APEX2: variants seen among roughly 807,000 people sequenced by gnomAD.
APEX2 encodes apurinic/apyrimidinic endodeoxyribonuclease 2.
Under a neutral mutation model 16.7 loss-of-function variants are expected in APEX2, and 4 were observed. The ratio of observed to expected loss-of-function variants is 0.24; its 90% CI spans 0.12 to 0.55. APEX2 has a LOEUF of 0.55. Ranked by LOEUF, APEX2 falls within the 20% of genes least tolerant of loss-of-function variation. The pLI is 0.94. For missense variants in APEX2, 357 were observed against 433.6 expected (o/e 0.82, Z 1.57); for synonymous variants, 181 against 166.9 (o/e 1.08, Z -0.65).
In APEX2 at chrX:55,003,869, G is replaced by A; in HGVS notation, c.639+1G>A. 1 of 1,210,729 alleles carries A rather than the reference G, an allele frequency of 8.3e-7. No homozygotes were observed. Among genetic ancestry groups the A allele is most frequent in the Non-Finnish European group, 1.1e-6 (1 of 894,442 alleles). ...TGACCACTGGGATGCAGTCAACCTG[G>A]TAAGGCTCCCTCTAGGTGCCTGGCC... On this transcript the variant is annotated splice_donor_variant, in intron 5 of 5. Coordinates refer to ENST00000374987, the MANE Select transcript of APEX2 (RefSeq NM_014481.4). LOFTEE classifies it high-confidence loss of function.
chrX:55,004,078 G>A (rs1435281016), intron 5 of APEX2, among the ~76,000 whole-genome samples: 1 of 112,699 alleles, frequency 8.9e-6, no homozygotes, highest in African/African-American at 3.2e-5. Context: ...ACATACTGAG[G>A]ACTCAGGAGT....
In APEX2 at chrX:55,000,430, G is replaced by A. The variant is rs1312285758; in HGVS notation, c.8G>A (p.Arg3His). MLRVVSWNINGIR... is the reference protein window; with the variant it reads MLHVVSWNINGIR... The stretch of plus-strand genomic sequence containing the variant: ...GTGTTCCAGCCCTTTAAGATGTTGC[G>A]CGTGGTGAGCTGGAACATCAATGGG... The change falls in exon 1 of 6, where the codon CGC becomes CAC. Residue 3 changes from arginine to histidine, a missense_variant. Arg to His is a conservative substitution (Grantham distance 29). Coordinates refer to ENST00000374987, the MANE Select transcript of APEX2 (RefSeq NM_014481.4). 2.5e-6 allele frequency: 3 copies of A among 1,189,051 alleles called. No individual in the cohort carries two copies. Among genetic ancestry groups the A allele is most frequent in the Non-Finnish European group, 3.4e-6 (3 of 883,681 alleles).
chrX:55,008,974 A>G lies in APEX2; in HGVS notation c.*1539A>G, dbSNP rs765618489. The G allele has an allele frequency of 1.3e-5, 6 of 462,053 alleles. No homozygotes were observed. The highest frequency in any genetic ancestry group is 4.9e-5 in the African/African-American group (2 of 40,808). The allele number at this position is 462,053 out of a possible 1,213,427, so 38.1% of individuals were successfully genotyped here. A position where few individuals can be genotyped will look rare whatever the true frequency, so the allele number is the denominator to read the frequency against. On this transcript the variant is annotated 3_prime_UTR_variant, in exon 6 of 6. Coordinates refer to ENST00000374987, the MANE Select transcript of APEX2 (RefSeq NM_014481.4). The stretch of plus-strand genomic sequence containing the variant: ...TGGAATGGTGACCAACAAGTGACCT[A>G]TGGTTACCTCATAGATCTGCCACTT...
In APEX2 at chrX:55,003,795, T is replaced by A. The variant is rs780665248; in HGVS notation, c.570-4T>A. 427 of 1,208,101 alleles carry A rather than the reference T, an allele frequency of 3.5e-4. 2 individuals carry two copies. In the South Asian group the frequency reaches 6.9e-3, roughly 19 times the overall value. On this transcript the variant is annotated splice_region_variant and splice_polypyrimidine_tract_variant and intron_variant, in intron 4 of 5. Coordinates refer to ENST00000374987, the MANE Select transcript of APEX2 (RefSeq NM_014481.4). ...TTCTAACAATCCCACATTGTGTTTTTCAGCCATGTGATCATTCTGGGTGAC... is the reference window on the plus strand; with the variant it reads ...TTCTAACAATCCCACATTGTGTTTTACAGCCATGTGATCATTCTGGGTGAC...
Position 55,007,222 on chromosome X carries a change from G to A in APEX2, c.1344G>A (p.Glu448=). The change falls in exon 6 of 6, where the codon GAG becomes GAA. Residue 448 remains glutamate, a synonymous_variant. Transcript: ENST00000374987. ...GQAKTSEAKD[E]KELRTSFWKS... ...CCAAGACTTCAGAAGCCAAAGATGA[G>A]AAGGAGTTACGGACCTCATTCTGGA... is the stretch of plus-strand genomic sequence containing the variant. 1 of 1,212,304 alleles carries A rather than the reference G, an allele frequency of 8.2e-7. No individual in the cohort carries two copies. The highest frequency in any genetic ancestry group is 1.1e-6 in the Non-Finnish European group (1 of 895,652).
At position 55,007,255 on chromosome X, in the gene APEX2, G is replaced by A; in HGVS notation, c.1377G>A (p.Val459=). ...KELRTSFWKS[V]LAGPLRTPLC... ...TACGGACCTCATTCTGGAAGTCTGT[G>A]CTGGCGGGGCCCTTGCGCACACCCC... The change falls in exon 6 of 6, where the codon GTG becomes GTA. Residue 459 remains valine, a synonymous_variant. Coordinates refer to ENST00000374987, the MANE Select transcript of APEX2 (RefSeq NM_014481.4). 8.2e-7 allele frequency: 1 copy of A among 1,212,341 alleles called. No individual in the cohort carries two copies. Among genetic ancestry groups the A allele is most frequent in the Non-Finnish European group, 1.1e-6 (1 of 895,637 alleles).
intron 3 of APEX2, among the ~76,000 whole-genome samples, chrX:55,002,662 C>CT (rs1267503780): frequency 1.1e-4 from 12 of 111,985 alleles, no homozygotes; most frequent in African/African-American, 3.9e-4. Flanking sequence ...TGATCCAGCT[C>CT]TTATTACCAT....
chrX:55,001,639 G>A lies in APEX2; in HGVS notation c.241+10G>A, dbSNP rs762314453. The A allele has an allele frequency of 4.6e-5, 55 of 1,184,998 alleles. No homozygotes were observed. Among genetic ancestry groups the A allele is most frequent in the Non-Finnish European group, 6.0e-5 (53 of 879,699 alleles). Reference sequence around the variant, plus strand: ...CGTAGCGGCTATTCTGGTAAATGGGGCTTTCTGTGGACTTTAAATTAGTGA... The same window carrying A: ...CGTAGCGGCTATTCTGGTAAATGGGACTTTCTGTGGACTTTAAATTAGTGA... On this transcript the variant is annotated intron_variant, in intron 2 of 5. Coordinates refer to ENST00000374987, the MANE Select transcript of APEX2 (RefSeq NM_014481.4).
At chrX:55,003,703 T>C in intron 4 of APEX2, 96 bp from the exon 5 acceptor site, 1 of 814,176 alleles carries the variant, frequency 1.2e-6, no homozygotes, top group Non-Finnish European at 1.8e-6. Context: ...AGCCTCAATA[T>C]GGGAGAGGGC....
intron 1 of APEX2, among the ~76,000 whole-genome samples, chrX:55,001,138 T>C (rs1402096084): frequency 9.2e-6 from 1 of 108,291 alleles, no homozygotes; most frequent in East Asian, 2.9e-4. Context: ...CCCTAATTCC[T>C]TTTCCCTCCA....
At position 55,006,684 on chromosome X, in the gene APEX2, A is replaced by G; in HGVS notation, c.806A>G (p.His269Arg). The change falls in exon 6 of 6, where the codon CAT becomes CGT. Residue 269 changes from histidine (H) to arginine (R), a missense_variant. Physicochemically the swap from His to Arg is conservative, Grantham distance 29. Transcript: ENST00000374987. ...TGGTCAGCAGTCACTGGCGCCCGCC[A>G]TCTCAACTATGGCTCCCGGCTTGAC... The part of the protein sequence containing the change: ...TCWSAVTGAR[H>R]LNYGSRLDYV... 2 of 1,166,273 alleles carry G rather than the reference A, an allele frequency of 1.7e-6. No individual in the cohort carries two copies. Among genetic ancestry groups the G allele is most frequent in the Non-Finnish European group, 2.3e-6 (2 of 870,933 alleles).
intron 5 of APEX2, among the ~76,000 whole-genome samples, chrX:55,005,799 C>T (rs1172211449): frequency 9.0e-6 from 1 of 110,572 alleles, no homozygotes; most frequent in Non-Finnish European, 1.9e-5. Context: ...GGAGCACCCT[C>T]CACCTAGGTT....
At chrX:55,001,489 T>A in intron 1 of APEX2, 57 bp from the exon 2 acceptor site, 1 of 983,341 alleles carries the variant, frequency 1.0e-6, no homozygotes, top group Non-Finnish European at 1.4e-6. Flanking sequence ...TCCAGGCCTT[T>A]GTGTTTCTCG....
Position 55,008,572 on chromosome X carries a change from A to AAAAAAAAAAAAAGAAAAG in APEX2, c.*1143_*1160dup, listed in dbSNP as rs1935540530. On this transcript the variant is annotated 3_prime_UTR_variant, in exon 6 of 6. Transcript: ENST00000374987. The stretch of plus-strand genomic sequence containing the variant: ...GCAACAAGAGTGAAATTCAGTCTCC[A>AAAAAAAAAAAAAGAAAAG]AAAAAAAAAAAAGAAAAGAAAAAGA... 9.8e-6 allele frequency: 1 copy of AAAAAAAAAAAAAGAAAAG among 102,523 alleles called. No homozygotes were observed. The highest frequency in any genetic ancestry group is 3.6e-5 in the African/African-American group (1 of 28,148). 8.4% of individuals were successfully genotyped at this position (102,523 alleles called of 1,213,427 possible). A position where few individuals can be genotyped will look rare whatever the true frequency, so the allele number is the denominator to read the frequency against.
intron 5 of APEX2, among the ~76,000 whole-genome samples, chrX:55,006,062 A>G (rs1388776843): frequency 9.4e-6 from 1 of 106,879 alleles, no homozygotes; most frequent in Non-Finnish European, 1.9e-5. Flanking sequence ...TCCTCAGCTC[A>G]GGAGGTAGGA....
intron 4 of APEX2, among the ~76,000 whole-genome samples, chrX:55,003,386 C>T: frequency 8.9e-6 from 1 of 112,331 alleles, no homozygotes; most frequent in East Asian, 2.8e-4. Context: ...GAATCTCTAC[C>T]CTACACAATA....
At position 55,007,154 on chromosome X, in the gene APEX2, A is replaced by G. The variant is rs2146709535; in HGVS notation, c.1276A>G (p.Thr426Ala). ...GATGAGCGCCCTCATGACCCCGAAG[A>G]CTCCAGAAGAGAAGGCAGTGGCCAA... Reference protein sequence around the residue: ...PLMSALMTPKTPEEKAVAKVV... With the variant: ...PLMSALMTPKAPEEKAVAKVV... The change falls in exon 6 of 6, where the codon ACT (threonine) becomes GCT (alanine). Residue 426 changes from threonine to alanine, a missense_variant. By Grantham distance (58) the Thr-to-Ala change is moderately conservative. Coordinates refer to ENST00000374987, the MANE Select transcript of APEX2 (RefSeq NM_014481.4). 3 of 1,211,536 alleles carry G rather than the reference A, an allele frequency of 2.5e-6. No individual in the cohort carries two copies. The highest frequency in any genetic ancestry group is 3.4e-6 in the Non-Finnish European group (3 of 895,461).
Position 55,006,631 on chromosome X carries a change from A to G in APEX2, c.753A>G (p.Gln251=), listed in dbSNP as rs1935502381. 1 of 1,158,432 alleles carries G rather than the reference A, an allele frequency of 8.6e-7. No homozygotes were observed. Among genetic ancestry groups the G allele is most frequent in the East Asian group, 3.0e-5 (1 of 33,137 alleles). ...GPFIDSYRCF[Q]PKQEGAFTCW... is the part of the protein sequence containing the mutation. ...TCATCGATAGCTACCGCTGCTTCCAACCAAAGCAGGAGGGGGCCTTCACCT... is the reference window on the plus strand; with the variant it reads ...TCATCGATAGCTACCGCTGCTTCCAGCCAAAGCAGGAGGGGGCCTTCACCT... The change falls in exon 6 of 6, where the codon CAA becomes CAG. Residue 251 remains glutamine (Q), a synonymous_variant. Transcript: ENST00000374987.
intron 5 of APEX2, among the ~76,000 whole-genome samples, chrX:55,005,493 A>T (rs1048512073): frequency 8.9e-6 from 1 of 111,770 alleles, no homozygotes; most frequent in Non-Finnish European, 1.9e-5. Flanking sequence ...CATCCCCTTG[A>T]TTGCTTCAAC....
Sources: gnomAD v4.1 joint callset for allele counts (sites outside exome capture counted in the v4.1 genomes callset) on GRCh38, gnomAD v4.1.1 for gene constraint, MANE v1.5 for transcripts, NCBI Gene and HGNC (gene_info 2026-07-23, HGNC 2026-07-21) for gene names.